The following TUBGCP3 variants were observed in gnomAD, a reference collection of about 807,000 sequenced individuals.
TUBGCP3 encodes gamma-tubulin complex component 3.
A neutral mutation model predicts 123.1 loss-of-function variants in TUBGCP3; 50 were observed. That is an observed-to-expected ratio of 0.41 (90% CI 0.32 to 0.51). The LOEUF (loss-of-function observed/expected upper bound fraction) is 0.51, where lower values mean the gene tolerates loss of function less well. Ranked by LOEUF, TUBGCP3 falls within the 20% of genes least tolerant of loss-of-function variation. TUBGCP3 has a pLI of 0.36. For missense variants in TUBGCP3, 882 were observed against 1,127.0 expected, an observed-to-expected ratio of 0.78 and a Z score of 3.11; for synonymous variants, 405 against 413.9, an observed-to-expected ratio of 0.98 and a Z score of 0.26.
intron 17 of TUBGCP3, among the ~76,000 whole-genome samples, chr13:112,505,009 A>G (rs1174464176): frequency 1.3e-5 from 2 of 152,244 alleles, no homozygotes; most frequent in Non-Finnish European, 2.9e-5. Context: ...CATTTATTTT[A>G]TAATAACGCA....
intron 1 of TUBGCP3, among the ~76,000 whole-genome samples, chr13:112,573,410 G>C (rs1881565343): frequency 6.6e-6 from 1 of 152,064 alleles, no homozygotes; most frequent in Admixed American, 6.6e-5. Context: ...GGCAGAAGTG[G>C]GGAGGGAGAA....
At position 112,553,818 on chromosome 13, in the gene TUBGCP3, AC is replaced by A. The variant is rs1173503342; in HGVS notation, c.966+238del. Among the ~76,000 whole-genome samples, 10 of 152,224 alleles carry A rather than the reference AC, an allele frequency of 6.6e-5. No individual in the cohort carries two copies. In the East Asian group the frequency reaches 1.9e-3, roughly 29 times the overall value. ...AGCTCCCCATGGCCAGCTCTGTCTC[AC>A]CATTTTCTCTGTATTTTACAGTCCT... On this transcript the variant is annotated intron_variant, in intron 8 of 21. Coordinates refer to ENST00000261965, the MANE Select transcript of TUBGCP3 (RefSeq NM_006322.6).
rs527951028 is a variant in TUBGCP3, at chr13:112,499,055, C to T, written c.2438G>A (p.Arg813His). 3.7e-6 allele frequency: 6 copies of T among 1,614,150 alleles called. No homozygotes were observed. The highest frequency in any genetic ancestry group is 2.2e-5 in the East Asian group (1 of 44,884). ...GTGTAAAGACCATACCTCAATTTCA[C>T]GCTGTTTCTTTTTCTCTTCAAACTG... ...RLQFEEKKKQ[R>H]EIEGQWGVTA... The change falls in exon 20 of 22, where the codon CGT becomes CAT. Residue 813 changes from arginine to histidine, a missense_variant. Arg to His is a conservative substitution (Grantham distance 29, BLOSUM62 0). Transcript: ENST00000261965.
chr13:112,551,047 C>T (rs1879534855), intron 8 of TUBGCP3, among the ~76,000 whole-genome samples: 2 of 151,814 alleles, frequency 1.3e-5, no homozygotes, highest in Non-Finnish European at 2.9e-5. Flanking sequence ...TGCAGTGAGC[C>T]GAGATCGCGC....
chr13:112,523,582 T>C (rs553064840), intron 13 of TUBGCP3, among the ~76,000 whole-genome samples: 2 of 152,332 alleles, frequency 1.3e-5, no homozygotes, highest in East Asian at 3.9e-4. Context: ...CATGGGGTTC[T>C]ATTTCCATTG....
chr13:112,559,238 T>C (rs1179054418), intron 4 of TUBGCP3, 84 bp downstream of exon 4: 37 of 1,117,094 alleles, frequency 3.3e-5, no homozygotes, highest in Non-Finnish European at 4.7e-5. Context: ...CTAGCATTAT[T>C]TTCTTAGCTG....
At chr13:112,525,251 G>A (rs1325692491) in intron 13 of TUBGCP3, among the ~76,000 whole-genome samples, 3 of 152,066 alleles carry the variant, frequency 2.0e-5, no homozygotes, top group Non-Finnish European at 4.4e-5. Flanking sequence ...TTTGTCCTGG[G>A]CTGCGCAATA....
At chr13:112,502,306 C>T (rs1314588191) in intron 19 of TUBGCP3, among the ~76,000 whole-genome samples, 4 of 152,204 alleles carry the variant, frequency 2.6e-5, no homozygotes, top group African/African-American at 9.6e-5. Flanking sequence ...TCTTGCCATG[C>T]GACTGCACCG....
At chr13:112,504,396 G>A (rs1288073893) in intron 18 of TUBGCP3, among the ~76,000 whole-genome samples, 1 of 151,462 alleles carries the variant, frequency 6.6e-6, no homozygotes, top group Admixed American at 6.6e-5. Flanking sequence ...TCTGAGGCAG[G>A]AGAATCGCTT....
chr13:112,597,676 A>G, the TUBGCP3 span, among the ~76,000 whole-genome samples: 1 of 152,222 alleles, frequency 6.6e-6, no homozygotes, highest in Non-Finnish European at 1.5e-5. Flanking sequence ...AACTGAAATT[A>G]AAAATCAACG....
intron 11 of TUBGCP3, among the ~76,000 whole-genome samples, chr13:112,542,341 C>T (rs934536743): frequency 6.6e-6 from 1 of 152,152 alleles, no homozygotes; most frequent in African/African-American, 2.4e-5. Flanking sequence ...TCAAAACTCA[C>T]CTCATCCTGT....
Position 112,545,788 on chromosome 13 carries a change from G to C in TUBGCP3, c.1246C>G (p.Gln416Glu). 1 of 1,614,206 alleles carries C rather than the reference G, an allele frequency of 6.2e-7. No individual in the cohort carries two copies. The highest frequency in any genetic ancestry group is 8.5e-7 in the Non-Finnish European group (1 of 1,180,028). ...TGAGACACGAGGCTGAGGATGTGCT[G>C]CACCAGAGACCGCATGTACGGGTCT... ...TGDPYMRSLV[Q>E]HILSLVSHPV... The change falls in exon 11 of 22, where the codon CAG (glutamine) becomes GAG (glutamate). Residue 416 changes from glutamine to glutamate, a missense_variant. Coordinates refer to ENST00000261965, the MANE Select transcript of TUBGCP3 (RefSeq NM_006322.6). The surrounding 1 kb of genome is among the most constrained non-coding windows in gnomAD (Gnocchi z 4.1).
chr13:112,540,749 C>T (rs1397754152), intron 11 of TUBGCP3, among the ~76,000 whole-genome samples: 2 of 152,116 alleles, frequency 1.3e-5, no homozygotes, highest in Non-Finnish European at 2.9e-5. Context: ...TGGGAAAGGA[C>T]ACCTGGGAAT....
At chr13:112,558,781 C>T (rs1277462578) in intron 4 of TUBGCP3, among the ~76,000 whole-genome samples, 1 of 152,134 alleles carries the variant, frequency 6.6e-6, no homozygotes, top group Non-Finnish European at 1.5e-5. Flanking sequence ...TCAGACGAAG[C>T]CTTTAGCAAT....
intron 20 of TUBGCP3, among the ~76,000 whole-genome samples, chr13:112,492,507 T>C (rs1880162693): frequency 6.6e-6 from 1 of 152,240 alleles, no homozygotes; most frequent in Admixed American, 6.5e-5. Context: ...ACCCAGATGT[T>C]CCTGTGGCCC....
Position 112,547,769 on chromosome 13 carries a change from A to G in TUBGCP3, c.1036-17T>C, listed in dbSNP as rs552414076. ...TAGTTGTAGCTAAAAAACAATAAAG[A>G]TAGAAATGTTTAAGTACAAATAACC... On this transcript the variant is annotated splice_polypyrimidine_tract_variant and intron_variant, in intron 9 of 21. Coordinates refer to ENST00000261965, the MANE Select transcript of TUBGCP3 (RefSeq NM_006322.6). The G allele has an allele frequency of 1.5e-5, 21 of 1,444,088 alleles. 1 individual carries two copies. In the South Asian group the frequency reaches 2.9e-4, roughly 20 times the overall value. The allele number at this position is 1,444,088 out of a possible 1,614,324, so 89.5% of individuals were successfully genotyped here. A position where few individuals can be genotyped will look rare whatever the true frequency, so the allele number is the denominator to read the frequency against.
At chr13:112,605,172 G>C in the TUBGCP3 span, 1 of 152,172 alleles carries the variant, frequency 6.6e-6, no homozygotes, top group East Asian at 1.9e-4. Context: ...AGCCGGGCCT[G>C]GTGGCAGGCA....
At chr13:112,594,677 C>T in the TUBGCP3 span, among the ~76,000 whole-genome samples, 1 of 152,122 alleles carries the variant, frequency 6.6e-6, no homozygotes, top group African/African-American at 2.4e-5. Flanking sequence ...TGAGACTTTT[C>T]CTCTTTTCTA....
chr13:112,584,614 A>G (rs938942369), intron 1 of TUBGCP3, among the ~76,000 whole-genome samples: 3 of 152,242 alleles, frequency 2.0e-5, no homozygotes, highest in African/African-American at 7.2e-5. Context: ...TAGGACACTC[A>G]TAGAGGTCTT....
Sources: gnomAD v4.1 joint callset for allele counts (sites outside exome capture counted in the v4.1 genomes callset) on GRCh38, gnomAD v4.1.1 for gene constraint, Gnocchi (gnomAD v3.1) non-coding constraint, MANE v1.5 for transcripts, NCBI Gene and HGNC (gene_info 2026-07-23, HGNC 2026-07-21) for gene names.